The following LPP variants were observed in gnomAD, a reference collection of about 807,000 sequenced individuals.
LPP encodes the protein lipoma-preferred partner.
In LPP, 38 loss-of-function variants were observed where a neutral mutation model predicts 60.4. That is an observed-to-expected ratio of 0.63 (90% CI 0.49 to 0.83). The LOEUF (loss-of-function observed/expected upper bound fraction) is 0.83. LPP is among the 40% of genes least tolerant of loss of function. The pLI is 0.00. For synonymous variants in LPP, 328 were observed against 290.8 expected (o/e 1.13, Z -1.30); for missense variants, 902 against 783.6 (o/e 1.15, Z -1.80).
chr3:188,544,387 A>G (rs1012583645), intron 6 of LPP, among the ~76,000 whole-genome samples: 1 of 152,228 alleles, frequency 6.6e-6, no homozygotes, highest in East Asian at 1.9e-4. Context: ...TATCATGTAT[A>G]TTCATTTATG....
At chr3:188,552,964 A>T (rs1828552645) in intron 6 of LPP, among the ~76,000 whole-genome samples, 1 of 152,154 alleles carries the variant, frequency 6.6e-6, no homozygotes, top group Non-Finnish European at 1.5e-5. Flanking sequence ...TCACAACGTT[A>T]ATGCATGGAG....
intron 5 of LPP, among the ~76,000 whole-genome samples, chr3:188,509,873 G>GTT (rs35389820): frequency 0.023 from 2,522 of 110,968 alleles, 160 homozygotes; most frequent in African/African-American, 0.054. Flanking sequence ...TTTTTTTGTT[G>GTT]TTTTTTTTTT....
intron 3 of LPP, among the ~76,000 whole-genome samples, chr3:188,373,396 A>G (rs1425409604): frequency 1.3e-5 from 2 of 152,140 alleles, no homozygotes; most frequent in East Asian, 1.9e-4. Context: ...AATGATCACC[A>G]TTCTAACTGG....
chr3:188,338,051 A>G (rs1762129397), intron 2 of LPP, among the ~76,000 whole-genome samples: 1 of 152,236 alleles, frequency 6.6e-6, no homozygotes, highest in East Asian at 1.9e-4. Context: ...GAAGTTGAGC[A>G]TTACCTTTAG....
chr3:188,163,222 G>C (rs1204692982), intron 1 of LPP, among the ~76,000 whole-genome samples: 1 of 152,174 alleles, frequency 6.6e-6, no homozygotes, highest in East Asian at 1.9e-4. Context: ...TCCCTCTGTA[G>C]TTCAAATGGA....
intron 2 of LPP, among the ~76,000 whole-genome samples, chr3:188,271,040 G>A (rs746702802): frequency 3.9e-5 from 6 of 152,152 alleles, no homozygotes. Context: ...AGATTTTCCA[G>A]TTCCTGTGGA....
At chr3:188,367,791 G>A (rs911665618) in intron 3 of LPP, among the ~76,000 whole-genome samples, 1 of 152,144 alleles carries the variant, frequency 6.6e-6, no homozygotes, top group Non-Finnish European at 1.5e-5. Context: ...AGTCGAACAG[G>A]CAAAAGCAAT....
At position 188,181,623 on chromosome 3, in the gene LPP, T is replaced by C. The variant is rs1725036494; in HGVS notation, c.-190+27371T>C. ...TTCTCGCTAGTAAGCTGTATAAATATCAGTTTTCCCACCTGGTTCTAGCCT... is the reference window on the plus strand; with the variant it reads ...TTCTCGCTAGTAAGCTGTATAAATACCAGTTTTCCCACCTGGTTCTAGCCT... On this transcript the variant is annotated intron_variant, in intron 1 of 11. Coordinates refer to ENST00000617246, the MANE Select transcript of LPP (RefSeq NM_001375462.1). 2.6e-5 allele frequency among the ~76,000 whole-genome samples: 4 copies of C among 152,346 alleles called. No individual in the cohort carries two copies. In the South Asian group the frequency reaches 8.3e-4, roughly 32 times the overall value.
At chr3:188,638,964 C>T (rs1849453243) in intron 7 of LPP, among the ~76,000 whole-genome samples, 2 of 151,866 alleles carry the variant, frequency 1.3e-5, no homozygotes, top group South Asian at 2.1e-4. Flanking sequence ...AGATTCAATG[C>T]CATCCCCATC....
intron 9 of LPP, among the ~76,000 whole-genome samples, chr3:188,776,511 C>G (rs1370880096): frequency 6.6e-6 from 1 of 152,108 alleles, no homozygotes; most frequent in Non-Finnish European, 1.5e-5. Flanking sequence ...GGATAACAGG[C>G]TTTTTCACAA....
chr3:188,574,031 AT>A, intron 6 of LPP, among the ~76,000 whole-genome samples: 1 of 152,146 alleles, frequency 6.6e-6, no homozygotes, highest in East Asian at 1.9e-4. Context: ...GAGGTAGTTA[AT>A]AAACCAAAGC....
intron 8 of LPP, among the ~76,000 whole-genome samples, chr3:188,725,940 G>T (rs1718221573): frequency 6.6e-6 from 1 of 152,074 alleles, no homozygotes; most frequent in African/African-American, 2.4e-5. Context: ...AAGGTATAGA[G>T]ACCAACACCA....
rs185541814 is a variant in LPP, at chr3:188,488,739, C to T, written c.306+4035C>T. Among the ~76,000 whole-genome samples, 93 of 152,066 alleles carry T rather than the reference C, an allele frequency of 6.1e-4. No homozygotes were observed. The East Asian group carries it at 0.014, about 22-fold the overall frequency. On this transcript the variant is annotated intron_variant, in intron 5 of 11. Coordinates refer to ENST00000617246, the MANE Select transcript of LPP (RefSeq NM_001375462.1). ...GCAACCTCCACCTCCCAGGTTCAAG[C>T]GATTCTCCTGCCTCAGCCTCCTGAG...
chr3:188,877,717 G>A lies in LPP; in HGVS notation c.*3238G>A, dbSNP rs1373941516. The A allele has an allele frequency of 4.6e-5, 9 of 197,772 alleles. No homozygotes were observed. In the South Asian group the frequency reaches 1.5e-3, roughly 34 times the overall value. The allele number at this position is 197,772 out of a possible 1,614,324, so 12.3% of individuals were successfully genotyped here. ...AATAAAATAAAAACCAAATTAGCCAGACATGGTGGCATGCGCTTGTTTAAA... is the reference window on the plus strand; with the variant it reads ...AATAAAATAAAAACCAAATTAGCCAAACATGGTGGCATGCGCTTGTTTAAA... On this transcript the variant is annotated 3_prime_UTR_variant, in exon 12 of 12. Coordinates refer to ENST00000617246, the MANE Select transcript of LPP (RefSeq NM_001375462.1).
At chr3:188,172,123 C>A (rs1721758765) in intron 1 of LPP, among the ~76,000 whole-genome samples, 1 of 152,210 alleles carries the variant, frequency 6.6e-6, no homozygotes, top group African/African-American at 2.4e-5. Context: ...CCTTGAGAGT[C>A]CTTTTTGCTT....
At chr3:188,301,886 G>C (rs1749982441) in intron 2 of LPP, among the ~76,000 whole-genome samples, 1 of 151,248 alleles carries the variant, frequency 6.6e-6, no homozygotes, top group Non-Finnish European at 1.5e-5. Context: ...TGAACTCCCG[G>C]GCTCAAACTA....
At chr3:188,591,691 C>T (rs1332319643) in intron 6 of LPP, among the ~76,000 whole-genome samples, 3 of 152,122 alleles carry the variant, frequency 2.0e-5, no homozygotes, top group Non-Finnish European at 4.4e-5. Context: ...TTTTTCAACA[C>T]AGCCCTGATC....
rs566652355 is a variant in LPP at position 188,876,434 on chromosome 3, T to C, written c.*1955T>C. 33 of 194,016 alleles carry C rather than the reference T, an allele frequency of 1.7e-4. No individual in the cohort carries two copies. The East Asian group carries it at 2.4e-3, about 14-fold the overall frequency. 12.0% of individuals were successfully genotyped at this position (194,016 alleles called of 1,614,324 possible). ...TCTTTTTCTTACCCTAGTTCTCTTATCTTTGATCGTATATTTCTCATAATG... is the reference window on the plus strand; with the variant it reads ...TCTTTTTCTTACCCTAGTTCTCTTACCTTTGATCGTATATTTCTCATAATG... On this transcript the variant is annotated 3_prime_UTR_variant, in exon 12 of 12. Coordinates refer to ENST00000617246, the MANE Select transcript of LPP (RefSeq NM_001375462.1).
At chr3:188,683,883 G>T (rs62290012) in intron 7 of LPP, among the ~76,000 whole-genome samples, 3 of 152,138 alleles carry the variant, frequency 2.0e-5, no homozygotes, top group African/African-American at 4.8e-5. Context: ...CAATTTACAC[G>T]TAGGCACAAA....
Sources: allele counts gnomAD v4.1 joint callset (sites outside exome capture counted in the v4.1 genomes callset), GRCh38; gene constraint gnomAD v4.1.1; transcripts MANE v1.5; gene names NCBI Gene and HGNC (gene_info 2026-07-23, HGNC 2026-07-21).